Variants in FSIP1 observed in about 807,000 individuals in gnomAD.
The protein encoded by FSIP1 is fibrous sheath interacting protein 1, also known as fibrous sheath-interacting protein 1.
Under a neutral mutation model 60.9 loss-of-function variants are expected in FSIP1, and 65 were observed. That is an observed-to-expected ratio of 1.07 (90% CI 0.87 to 1.31). The LOEUF is 1.31. Among genes scored for constraint, FSIP1 ranks in the 40% most tolerant of loss-of-function variants. FSIP1 has a pLI of 0.00. For synonymous variants in FSIP1, 209 were observed against 221.2 expected (o/e 0.94, Z 0.49); for missense variants, 675 against 665.5 (o/e 1.01, Z -0.16).
At chr15:39,742,561 T>C (rs1436478286) in intron 5 of FSIP1, among the ~76,000 whole-genome samples, 3 of 152,188 alleles carry the variant, frequency 2.0e-5, no homozygotes, top group Admixed American at 6.5e-5. Flanking sequence ...CTCTGTACCC[T>C]AATGTGAGGG....
At chr15:39,665,916 A>C (rs942869461) in intron 10 of FSIP1, among the ~76,000 whole-genome samples, 1 of 152,168 alleles carries the variant, frequency 6.6e-6, no homozygotes, top group Non-Finnish European at 1.5e-5. Context: ...CAAGAAAAAC[A>C]CCTAATTTCC....
intron 9 of FSIP1, among the ~76,000 whole-genome samples, chr15:39,725,723 A>T (rs905626410): frequency 1.3e-5 from 2 of 152,166 alleles, no homozygotes; most frequent in Non-Finnish European, 2.9e-5. Flanking sequence ...AGATTCCATG[A>T]AGTACTAAAA....
At chr15:39,687,833 G>C (rs780791406) in intron 10 of FSIP1, among the ~76,000 whole-genome samples, 3 of 152,168 alleles carry the variant, frequency 2.0e-5, no homozygotes, top group Non-Finnish European at 4.4e-5. Flanking sequence ...TAACACAGGA[G>C]TTCTTAATTT....
At chr15:39,742,807 T>C (rs1156634351) in intron 5 of FSIP1, among the ~76,000 whole-genome samples, 1 of 152,172 alleles carries the variant, frequency 6.6e-6, no homozygotes, top group Non-Finnish European at 1.5e-5. Context: ...AATTCCCTAA[T>C]TTGGAATTCA....
At chr15:39,667,247 C>G (rs1566876808) in intron 10 of FSIP1, among the ~76,000 whole-genome samples, 1 of 151,662 alleles carries the variant, frequency 6.6e-6, no homozygotes, top group Non-Finnish European at 1.5e-5. Flanking sequence ...TCAAAAGTAC[C>G]ATGAGTTTTT....
At chr15:39,642,810 A>T (rs969121839) in intron 10 of FSIP1, among the ~76,000 whole-genome samples, 5 of 152,232 alleles carry the variant, frequency 3.3e-5, no homozygotes, top group African/African-American at 1.2e-4. Context: ...AACATTATAT[A>T]TAAGTTGATT....
At chr15:39,718,493 CT>C (rs11422776) in intron 9 of FSIP1, among the ~76,000 whole-genome samples, 17,516 of 139,176 alleles carry the variant, frequency 0.13, 1,167 homozygotes, top group African/African-American at 0.2. Flanking sequence ...GCAGACAAAC[CT>C]TTTTTTTTTT....
intron 11 of FSIP1, among the ~76,000 whole-genome samples, chr15:39,601,701 T>C (rs998786358): frequency 1.6e-4 from 25 of 152,248 alleles, no homozygotes; most frequent in African/African-American, 5.3e-4. Flanking sequence ...ATCCATATAA[T>C]TGAGACTTAT....
At chr15:39,740,475 T>G (rs758453338) in intron 6 of FSIP1, among the ~76,000 whole-genome samples, 14 of 152,216 alleles carry the variant, frequency 9.2e-5, no homozygotes, top group African/African-American at 3.1e-4. Context: ...CATTAAAATA[T>G]TCTAAAACAA....
At chr15:39,768,713 A>G (rs1897774592) in intron 3 of FSIP1, among the ~76,000 whole-genome samples, 1 of 152,252 alleles carries the variant, frequency 6.6e-6, no homozygotes, top group African/African-American at 2.4e-5. Flanking sequence ...TAGCCTATTC[A>G]GATAATTGGA....
intron 11 of FSIP1, among the ~76,000 whole-genome samples, chr15:39,601,788 G>A (rs1226381493): frequency 6.6e-6 from 1 of 152,208 alleles, no homozygotes; most frequent in Non-Finnish European, 1.5e-5. Context: ...TAAGAAGCCA[G>A]TCACAAAAGG....
chr15:39,605,613 C>CT (rs1316637987), intron 11 of FSIP1, among the ~76,000 whole-genome samples: 5 of 152,140 alleles, frequency 3.3e-5, no homozygotes, highest in African/African-American at 1.2e-4. Context: ...GTAGAGAGGG[C>CT]TAGGTGGGGG....
At chr15:39,619,558 T>C (rs1891368107) in intron 10 of FSIP1, among the ~76,000 whole-genome samples, 3 of 152,210 alleles carry the variant, frequency 2.0e-5, no homozygotes, top group Admixed American at 2.0e-4. Context: ...ATTAGAATTA[T>C]GTATTAGCAA....
At chr15:39,741,256 C>T (rs986579050) in intron 6 of FSIP1, among the ~76,000 whole-genome samples, 26 of 152,144 alleles carry the variant, frequency 1.7e-4, no homozygotes, top group African/African-American at 5.8e-4. Flanking sequence ...GTAGGGAAAA[C>T]ACATTGGGTT....
intron 10 of FSIP1, among the ~76,000 whole-genome samples, chr15:39,648,531 A>AC (rs1479874110): frequency 1.3e-5 from 2 of 152,208 alleles, no homozygotes; most frequent in Admixed American, 6.5e-5. Context: ...GCTTTCCAAG[A>AC]CCCCACCTTG....
chr15:39,621,693 G>T (rs1891446237), intron 10 of FSIP1, among the ~76,000 whole-genome samples: 1 of 152,106 alleles, frequency 6.6e-6, no homozygotes, highest in South Asian at 2.1e-4. Flanking sequence ...ATAGCAAAAA[G>T]AGAACTTTTA....
chr15:39,708,753 A>C (rs28625134), intron 10 of FSIP1, among the ~76,000 whole-genome samples: 19,265 of 152,174 alleles, frequency 0.13, 1,434 homozygotes, highest in African/African-American at 0.2. Flanking sequence ...CTTCTCTCTT[A>C]ATGTGTCCCA....
rs2140441583 is a variant in FSIP1, at chr15:39,654,784, G to T, written c.1189-36539C>A. 1.3e-5 allele frequency among the ~76,000 whole-genome samples: 2 copies of T among 152,296 alleles called. 1 individual carries two copies. Among genetic ancestry groups the T allele is most frequent in the South Asian group, 4.1e-4 (2 of 4,832 alleles). ...TCTCATGTGCTCATGGACTAAACAG[G>T]AAACAAAATTCTGCGACCCCAAGTA... On this transcript the variant is annotated intron_variant, in intron 10 of 11. Transcript: ENST00000350221.
chr15:39,657,579 T>G (rs1030853785), intron 10 of FSIP1, among the ~76,000 whole-genome samples: 1 of 152,208 alleles, frequency 6.6e-6, no homozygotes, highest in African/African-American at 2.4e-5. Flanking sequence ...GCTTAAATAT[T>G]ATTTATAAAA....
Sources: gnomAD v4.1 joint callset for allele counts (sites outside exome capture counted in the v4.1 genomes callset) on GRCh38, gnomAD v4.1.1 for gene constraint, MANE v1.5 for transcripts, NCBI Gene and HGNC (gene_info 2026-07-23, HGNC 2026-07-21) for gene names.